SLC4A10: variants seen among roughly 807,000 people sequenced by gnomAD.
SLC4A10 encodes the protein sodium-driven chloride bicarbonate exchanger.
In SLC4A10, 42 loss-of-function variants were observed where a neutral mutation model predicts 137.7. The observed-to-expected ratio is 0.30, with a 90% CI of 0.24 to 0.39. The LOEUF (loss-of-function observed/expected upper bound fraction) is 0.39, where lower values mean the gene tolerates loss of function less well. Among genes scored for constraint, SLC4A10 ranks in the 10% least tolerant of loss-of-function variants. SLC4A10 has a pLI of 1.00. For missense variants in SLC4A10, 925 were observed against 1,355.0 expected (o/e 0.68, Z 4.98); for synonymous variants, 474 against 464.1 (o/e 1.02, Z -0.27).
At chr2:161,806,920 C>A (rs1007234793) in intron 3 of SLC4A10, among the ~76,000 whole-genome samples, 1 of 152,178 alleles carries the variant, frequency 6.6e-6, no homozygotes, top group Non-Finnish European at 1.5e-5. Context: ...TGTTTTCACA[C>A]TGCTGATAAA....
chr2:161,936,880 T>C (rs1381372079), intron 15 of SLC4A10, among the ~76,000 whole-genome samples: 1 of 152,160 alleles, frequency 6.6e-6, no homozygotes, highest in East Asian at 1.9e-4. Context: ...AACTCTGTGC[T>C]TAGTTTCTTC....
chr2:161,963,359 A>G (rs1200324040), intron 21 of SLC4A10, among the ~76,000 whole-genome samples: 1 of 152,178 alleles, frequency 6.6e-6, no homozygotes, highest in East Asian at 1.9e-4. Context: ...ATTGATTGAG[A>G]TGAAAATAAT....
chr2:161,821,223 T>C (rs2057590926), intron 3 of SLC4A10, among the ~76,000 whole-genome samples: 1 of 152,216 alleles, frequency 6.6e-6, no homozygotes, highest in Admixed American at 6.5e-5. Flanking sequence ...CTGATTTCAC[T>C]CTCATAATGG....
chr2:161,925,309 T>A (rs1688870975), intron 15 of SLC4A10, among the ~76,000 whole-genome samples: 1 of 152,210 alleles, frequency 6.6e-6, no homozygotes, highest in Non-Finnish European at 1.5e-5. Flanking sequence ...TATCCATTTC[T>A]TCTAGATTTT....
intron 10 of SLC4A10, among the ~76,000 whole-genome samples, chr2:161,889,695 A>G (rs2062710753): frequency 6.6e-6 from 1 of 151,990 alleles, no homozygotes; most frequent in African/African-American, 2.4e-5. Context: ...TGGTCTGGCT[A>G]GCATCTATCT....
chr2:161,907,035 G>A lies in SLC4A10; in HGVS notation c.1997+1148G>A, dbSNP rs1268331476. Among the ~76,000 whole-genome samples the A allele has an allele frequency of 3.9e-5, 5 of 127,138 alleles. No homozygotes were observed. In the East Asian group the frequency reaches 1.1e-3, roughly 27 times the overall value. The allele number at this position is 127,138 out of a possible 152,430, so 83.4% of individuals were successfully genotyped here. On this transcript the variant is annotated intron_variant, in intron 15 of 26. Coordinates refer to ENST00000446997, the MANE Select transcript of SLC4A10 (RefSeq NM_001178015.2). ...CGCGCCACTGCACTCCAGCCTGGGC[G>A]ACAGAGCGAGACTCCGTCTCAAAAA...
intron 5 of SLC4A10, among the ~76,000 whole-genome samples, chr2:161,858,297 G>T (rs1407120805): frequency 6.6e-6 from 1 of 151,910 alleles, no homozygotes; most frequent in Non-Finnish European, 1.5e-5. Flanking sequence ...TAATGATCAA[G>T]GATTTTTATA....
At chr2:161,773,660 T>G (rs1043952940) in intron 2 of SLC4A10, among the ~76,000 whole-genome samples, 2 of 151,892 alleles carry the variant, frequency 1.3e-5, no homozygotes, top group African/African-American at 2.4e-5. Context: ...TTTAAAAATA[T>G]CTGTAAAGTC....
In SLC4A10 at chr2:161,976,809, T is replaced by C; in HGVS notation, c.3277T>C (p.Leu1093=). 1 of 1,606,294 alleles carries C rather than the reference T, an allele frequency of 6.2e-7. No individual in the cohort carries two copies. The highest frequency in any genetic ancestry group is 8.5e-7 in the Non-Finnish European group (1 of 1,176,214). ...ATCTGATGAAATGTCAAAGACTGCC[T>C]TGTGGAGGAACCTTCTGATTACTGC... ...NISDEMSKTA[L]WRNLLITADN... Residue 1093 remains leucine, a synonymous_variant, in exon 25 of 27, where the codon TTG becomes CTG. Transcript: ENST00000446997.
chr2:161,708,906 A>G, intron 1 of SLC4A10: 1 of 1,410,190 alleles, frequency 7.1e-7, no homozygotes, highest in East Asian at 2.5e-5. Context: ...CATTGAAAAT[A>G]TATTCATTAA....
At chr2:161,708,550 A>T (rs2043934537) in intron 1 of SLC4A10, 5 of 804,130 alleles carry the variant, frequency 6.2e-6, no homozygotes, top group Non-Finnish European at 9.0e-6. Flanking sequence ...GCATCAGCAA[A>T]TACAACTGTG....
At chr2:161,805,276 C>T (rs2055815383) in intron 3 of SLC4A10, among the ~76,000 whole-genome samples, 1 of 152,114 alleles carries the variant, frequency 6.6e-6, no homozygotes. Context: ...TCCCACAACA[C>T]ATGGAAAATT....
intron 15 of SLC4A10, among the ~76,000 whole-genome samples, chr2:161,907,509 T>C (rs1684719796): frequency 6.6e-6 from 1 of 152,186 alleles, no homozygotes; most frequent in Admixed American, 6.5e-5. Context: ...CTGTCCTCAG[T>C]GAGCTTCCAG....
chr2:161,781,417 GA>G (rs1363974704), intron 2 of SLC4A10, among the ~76,000 whole-genome samples: 2 of 151,974 alleles, frequency 1.3e-5, no homozygotes, highest in Non-Finnish European at 2.9e-5. Flanking sequence ...ACATCGACCA[GA>G]AAATGTTCTA....
intron 1 of SLC4A10, among the ~76,000 whole-genome samples, chr2:161,704,987 A>C (rs965692986): frequency 3.3e-5 from 5 of 151,630 alleles, no homozygotes; most frequent in Non-Finnish European, 7.4e-5. Flanking sequence ...ACACTTTTTA[A>C]AGCAGTAGTA....
chr2:161,834,074 A>T (rs890878358), intron 3 of SLC4A10, among the ~76,000 whole-genome samples: 4 of 152,250 alleles, frequency 2.6e-5, no homozygotes, highest in Admixed American at 2.6e-4. Context: ...ATTCTTTCTT[A>T]TTACAGAAAC....
At chr2:161,638,637 A>AT (rs2034812021) in intron 1 of SLC4A10, among the ~76,000 whole-genome samples, 3 of 151,770 alleles carry the variant, frequency 2.0e-5, no homozygotes, top group Non-Finnish European at 1.5e-5. Context: ...AAAATTTAAG[A>AT]TTTTTTCTGT....
intron 1 of SLC4A10, among the ~76,000 whole-genome samples, chr2:161,645,420 T>C (rs1172397637): frequency 6.6e-6 from 1 of 152,054 alleles, no homozygotes; most frequent in East Asian, 1.9e-4. Flanking sequence ...TTTAATAATA[T>C]AACCACAGAG....
chr2:161,829,670 G>C lies in SLC4A10; in HGVS notation c.278-10119G>C, dbSNP rs533056552. 1.2e-4 allele frequency among the ~76,000 whole-genome samples: 18 copies of C among 152,148 alleles called. No individual in the cohort carries two copies. The South Asian group carries it at 3.7e-3, about 32-fold the overall frequency. The stretch of plus-strand genomic sequence containing the variant: ...CTCATGTTCTGTAAATATATTATTT[G>C]AGGATATTTTACTTTTTTTCTATAT... On this transcript the variant is annotated intron_variant, in intron 3 of 26. Coordinates refer to ENST00000446997, the MANE Select transcript of SLC4A10 (RefSeq NM_001178015.2).
Sources: gnomAD v4.1 joint callset for allele counts (sites outside exome capture counted in the v4.1 genomes callset) on GRCh38, gnomAD v4.1.1 for gene constraint, MANE v1.5 for transcripts, NCBI Gene and HGNC (gene_info 2026-07-23, HGNC 2026-07-21) for gene names.